The following REDIC1 variants were observed in gnomAD, a reference collection of about 807,000 sequenced individuals.
REDIC1 encodes the protein HEI10 Interacting Protein 1.
the REDIC1 span, among the ~76,000 whole-genome samples, chr12:39,901,014 G>C: frequency 2.6e-5 from 4 of 152,102 alleles, no homozygotes; most frequent in African/African-American, 9.7e-5. Flanking sequence ...GAACTGAACA[G>C]AGCCCTCAGA....
At chr12:39,870,107 C>G in the REDIC1 span, among the ~76,000 whole-genome samples, 1 of 152,110 alleles carries the variant, frequency 6.6e-6, no homozygotes, top group African/African-American at 2.4e-5. Flanking sequence ...AATGAAGGAA[C>G]GAACACAGGT....
chr12:39,872,281 A>G, the REDIC1 span, among the ~76,000 whole-genome samples: 2 of 152,222 alleles, frequency 1.3e-5, no homozygotes, highest in African/African-American at 4.8e-5. Flanking sequence ...TATCACTTTA[A>G]TTGGCCACAT....
At chr12:39,861,899 A>T in the REDIC1 span, among the ~76,000 whole-genome samples, 2 of 152,176 alleles carry the variant, frequency 1.3e-5, no homozygotes, top group African/African-American at 2.4e-5. Context: ...GTTCCAGGAT[A>T]CATGTGCAGG....
the REDIC1 span, among the ~76,000 whole-genome samples, chr12:39,631,185 C>T: frequency 1.2e-3 from 177 of 152,170 alleles, no homozygotes; most frequent in African/African-American, 4.0e-3. Context: ...CCACTGTGCC[C>T]GGCCTATTGA....
chr12:39,691,869 A>T, the REDIC1 span, among the ~76,000 whole-genome samples: 1 of 152,044 alleles, frequency 6.6e-6, no homozygotes, highest in Non-Finnish European at 1.5e-5. Context: ...ACGAATTTAA[A>T]TTTCATTTTA....
At chr12:39,819,348 T>C in the REDIC1 span, among the ~76,000 whole-genome samples, 2 of 152,208 alleles carry the variant, frequency 1.3e-5, no homozygotes, top group African/African-American at 4.8e-5. Flanking sequence ...TATAGGACCT[T>C]TGACATTATT....
At chr12:39,819,378 C>A in the REDIC1 span, among the ~76,000 whole-genome samples, 1 of 151,974 alleles carries the variant, frequency 6.6e-6, no homozygotes, top group Admixed American at 6.6e-5. Context: ...ATTAAGGTGG[C>A]AATACATAAT....
At chr12:39,675,318 AT>A in the REDIC1 span, among the ~76,000 whole-genome samples, 12 of 150,204 alleles carry the variant, frequency 8.0e-5, no homozygotes, top group East Asian at 2.0e-4. Flanking sequence ...CCCTTACCTG[AT>A]TTTTTTTTTC....
the REDIC1 span, among the ~76,000 whole-genome samples, chr12:39,807,470 A>G: frequency 5.9e-5 from 9 of 152,170 alleles, no homozygotes; most frequent in African/African-American, 1.9e-4. Context: ...GGATCTCTAC[A>G]TTATTTCTTA....
chr12:39,889,177 T>G, the REDIC1 span, among the ~76,000 whole-genome samples: 8 of 152,168 alleles, frequency 5.3e-5, no homozygotes, highest in Admixed American at 2.6e-4. Context: ...GCTTATTAGA[T>G]CTTTCTGCAG....
At chr12:39,751,327 A>G in the REDIC1 span, among the ~76,000 whole-genome samples, 1 of 152,370 alleles carries the variant, frequency 6.6e-6, no homozygotes, top group African/African-American at 2.4e-5. Flanking sequence ...CATCAGAGAA[A>G]TGCAAATCAA....
the REDIC1 span, among the ~76,000 whole-genome samples, chr12:39,869,391 C>G: frequency 6.6e-6 from 1 of 152,140 alleles, no homozygotes; most frequent in Non-Finnish European, 1.5e-5. Context: ...AAAGAGGAGA[C>G]CTGTGAGGCT....
the REDIC1 span, among the ~76,000 whole-genome samples, chr12:39,857,712 T>C: frequency 6.6e-6 from 1 of 152,198 alleles, no homozygotes; most frequent in Non-Finnish European, 1.5e-5. Flanking sequence ...TCCTGGTGTA[T>C]AAGGTCCTGA....
chr12:39,648,027 G>T, the REDIC1 span: 2 of 1,224,248 alleles, frequency 1.6e-6, no homozygotes, highest in Non-Finnish European at 2.2e-6. Flanking sequence ...ATATTTTCAT[G>T]AAACTCTTTT....
chr12:39,875,051 T>C, the REDIC1 span, among the ~76,000 whole-genome samples: 395 of 152,346 alleles, frequency 2.6e-3, 2 homozygotes, highest in Admixed American at 0.022. Flanking sequence ...TTCCTTTCTC[T>C]AACCCTGGTA....
chr12:39,696,560 A>T, the REDIC1 span, among the ~76,000 whole-genome samples: 25 of 140,784 alleles, frequency 1.8e-4, no homozygotes, highest in African/African-American at 6.6e-4. Context: ...AAAAAAAAAA[A>T]AAAAAAAAAA....
chr12:39,858,014 G>A, the REDIC1 span, among the ~76,000 whole-genome samples: 231 of 152,286 alleles, frequency 1.5e-3, 2 homozygotes, highest in African/African-American at 5.2e-3. Flanking sequence ...CCAAGTGGGG[G>A]ATTTGTAAGT....
At chr12:39,841,302 C>T in the REDIC1 span, among the ~76,000 whole-genome samples, 16 of 152,148 alleles carry the variant, frequency 1.1e-4, no homozygotes, top group Admixed American at 8.5e-4. Flanking sequence ...TATTTTAGGC[C>T]GGAATTTCTA....
the REDIC1 span, among the ~76,000 whole-genome samples, chr12:39,878,203 C>G: frequency 1.4e-4 from 22 of 152,126 alleles, no homozygotes; most frequent in Non-Finnish European, 3.2e-4. Flanking sequence ...AATGCAAGAA[C>G]AGCCTAATAC....
Sources: allele counts gnomAD v4.1 joint callset (sites outside exome capture counted in the v4.1 genomes callset), GRCh38; gene constraint gnomAD v4.1.1; transcripts MANE v1.5; gene names NCBI Gene and HGNC (gene_info 2026-07-23, HGNC 2026-07-21).